The following GALNT11 variants were observed in gnomAD, a reference collection of about 807,000 sequenced individuals.
The protein encoded by GALNT11 is polypeptide N-acetylgalactosaminyltransferase 11.
Under a neutral mutation model 72.7 loss-of-function variants are expected in GALNT11, and 47 were observed. That is an observed-to-expected ratio of 0.65 (90% CI 0.51 to 0.82). GALNT11 has a LOEUF of 0.82. Among genes scored for constraint, GALNT11 ranks in the 40% least tolerant of loss-of-function variants. The probability of loss-of-function intolerance (pLI) is 0.00; values close to 1 mark genes in which losing one functional copy is unlikely to be tolerated. For missense variants in GALNT11, 677 were observed against 778.4 expected (o/e 0.87, Z 1.55); for synonymous variants, 270 against 286.6 (o/e 0.94, Z 0.58).
intron 1 of GALNT11, among the ~76,000 whole-genome samples, chr7:152,093,075 A>G (rs563481668): frequency 1.3e-5 from 2 of 152,222 alleles, no homozygotes; most frequent in East Asian, 3.9e-4. Context: ...CTAAAAATAC[A>G]AAAACTAGCC....
chr7:152,026,029 C>T (rs1296486263), intron 1 of GALNT11, 145 bp downstream of exon 1: 1 of 152,798 alleles, frequency 6.5e-6, no homozygotes, highest in African/African-American at 2.4e-5. Flanking sequence ...CCGCACGCCC[C>T]CTGGGCGAGG....
intron 1 of GALNT11, among the ~76,000 whole-genome samples, chr7:152,028,416 TTAGC>T (rs1190082853): frequency 6.6e-6 from 1 of 152,140 alleles, no homozygotes; most frequent in Non-Finnish European, 1.5e-5. Flanking sequence ...TTACAATCCT[TTAGC>T]TAGACAGAAA....
Position 152,037,602 on chromosome 7 carries a change from A to AT in GALNT11, c.-39+11728dup, listed in dbSNP as rs60143948. On this transcript the variant is annotated intron_variant, in intron 1 of 11. Coordinates refer to ENST00000430044, the MANE Select transcript of GALNT11 (RefSeq NM_022087.4). ...TTTGTTATTCCATATAAGTTTTAGGATTTTTTTTTTCTATTTCTGTGAAGA... is the reference window on the plus strand; with the variant it reads ...TTTGTTATTCCATATAAGTTTTAGGATTTTTTTTTTTCTATTTCTGTGAAGA... Among the ~76,000 whole-genome samples the AT allele has an allele frequency of 9.6e-3, 1,430 of 148,846 alleles. 24 individuals are homozygous for AT. The highest frequency in any genetic ancestry group is 0.033 in the African/African-American group (1,354 of 40,436).
Position 152,099,237 on chromosome 7 carries a change from C to T in GALNT11, c.296-1561C>T, listed in dbSNP as rs191376121. On this transcript the variant is annotated intron_variant, in intron 2 of 11. Coordinates refer to ENST00000430044, the MANE Select transcript of GALNT11 (RefSeq NM_022087.4). ...GATTACAGGCATGAGCCACCACGCCCGGCTGGAAACACTGCATTCTATATC... is the reference window on the plus strand; with the variant it reads ...GATTACAGGCATGAGCCACCACGCCTGGCTGGAAACACTGCATTCTATATC... 3.7e-3 allele frequency among the ~76,000 whole-genome samples: 557 copies of T among 151,982 alleles called. 5 individuals carry two copies. Among genetic ancestry groups the T allele is most frequent in the Middle Eastern group, 3.4e-3 (1 of 292 alleles).
intron 2 of GALNT11, among the ~76,000 whole-genome samples, chr7:152,099,950 T>A (rs1476602434): frequency 7.1e-6 from 1 of 140,962 alleles, no homozygotes; most frequent in Non-Finnish European, 1.6e-5. Flanking sequence ...CTGGCTAATT[T>A]TTTTTTTTTT....
intron 1 of GALNT11, among the ~76,000 whole-genome samples, chr7:152,035,557 C>G (rs987385745): frequency 4.6e-5 from 7 of 152,158 alleles, no homozygotes; most frequent in African/African-American, 9.7e-5. Context: ...TCTGTCGACC[C>G]TCGGCTCAGC....
intron 1 of GALNT11, among the ~76,000 whole-genome samples, chr7:152,067,148 G>A (rs999922296): frequency 6.6e-6 from 1 of 152,182 alleles, no homozygotes; most frequent in Non-Finnish European, 1.5e-5. Flanking sequence ...ATGTTTTGGG[G>A]AGGAAGACTA....
chr7:152,113,160 A>T lies in GALNT11; in HGVS notation c.1081-86A>T, dbSNP rs1048273919. 7 of 1,421,278 alleles carry T rather than the reference A, an allele frequency of 4.9e-6. No individual in the cohort carries two copies. In the Admixed American group the frequency reaches 9.3e-5, roughly 19 times the overall value. 88.0% of individuals were successfully genotyped at this position (1,421,278 alleles called of 1,614,324 possible). On this transcript the variant is annotated intron_variant, in intron 7 of 11. Transcript: ENST00000430044. ...GCCAAGTTTCATAAACACCTATTGAATAAAGATTAATTTCATTGAAAATTC... is the reference window on the plus strand; with the variant it reads ...GCCAAGTTTCATAAACACCTATTGATTAAAGATTAATTTCATTGAAAATTC...
intron 1 of GALNT11, among the ~76,000 whole-genome samples, chr7:152,043,536 A>G (rs956056125): frequency 6.6e-5 from 10 of 152,164 alleles, no homozygotes; most frequent in African/African-American, 2.4e-4. Context: ...TTCCCTGTTT[A>G]TCTGGGGGGT....
At chr7:152,103,469 C>G in intron 4 of GALNT11, 191 bp downstream of exon 4, 2 of 508,004 alleles carry the variant, frequency 3.9e-6, no homozygotes, top group Non-Finnish European at 6.5e-6. Flanking sequence ...ACTATGCTAC[C>G]CAAATTTGGG....
intron 1 of GALNT11, among the ~76,000 whole-genome samples, chr7:152,064,608 T>C (rs1047040161): frequency 6.6e-6 from 1 of 152,202 alleles, no homozygotes; most frequent in African/African-American, 2.4e-5. Context: ...TTCCTCTCCA[T>C]CTTTAGTGCT....
intron 1 of GALNT11, among the ~76,000 whole-genome samples, chr7:152,057,360 G>C (rs925353569): frequency 6.7e-6 from 1 of 149,240 alleles, no homozygotes; most frequent in African/African-American, 2.5e-5. Flanking sequence ...AGGCTGGAGT[G>C]CAGTGGTGCC....
intron 1 of GALNT11, among the ~76,000 whole-genome samples, chr7:152,078,822 C>T (rs1283512414): frequency 1.3e-5 from 2 of 152,190 alleles, no homozygotes; most frequent in African/African-American, 4.8e-5. Flanking sequence ...GATGCAACTT[C>T]TGTTTTGATT....
rs151223988 is a variant in GALNT11 at position 152,077,690 on chromosome 7, A to C, written c.-38-16500A>C. On this transcript the variant is annotated intron_variant, in intron 1 of 11. Coordinates refer to ENST00000430044, the MANE Select transcript of GALNT11 (RefSeq NM_022087.4). ...ACAGATGAAAATCCTCTCCAGAGGA[A>C]GATAACATCTCACGCCTCAAATTAT... Among the ~76,000 whole-genome samples, 594 of 152,278 alleles carry C rather than the reference A, an allele frequency of 3.9e-3. 5 individuals carry two copies. Among genetic ancestry groups the C allele is most frequent in the African/African-American group, 0.013 (558 of 41,558 alleles).
At chr7:152,078,845 A>T (rs2129017519) in intron 1 of GALNT11, among the ~76,000 whole-genome samples, 1 of 152,204 alleles carries the variant, frequency 6.6e-6, no homozygotes. Context: ...AGACTGAGAG[A>T]TAAGAACATC....
intron 1 of GALNT11, among the ~76,000 whole-genome samples, chr7:152,054,663 C>T (rs544228254): frequency 6.6e-6 from 1 of 151,624 alleles, no homozygotes; most frequent in South Asian, 2.1e-4. Flanking sequence ...AGGTGCACAG[C>T]ACCATGTCTG....
chr7:152,042,986 T>C (rs191868414), intron 1 of GALNT11, among the ~76,000 whole-genome samples: 1 of 152,330 alleles, frequency 6.6e-6, no homozygotes, highest in East Asian at 1.9e-4. Flanking sequence ...TTTCCCTGAA[T>C]AGTTATTTCA....
At chr7:152,069,962 AT>A (rs2084530264) in intron 1 of GALNT11, among the ~76,000 whole-genome samples, 1 of 148,972 alleles carries the variant, frequency 6.7e-6, no homozygotes, top group Non-Finnish European at 1.5e-5. Flanking sequence ...TTTTGCACTC[AT>A]TGCTTTTTTC....
intron 1 of GALNT11, among the ~76,000 whole-genome samples, chr7:152,073,681 A>G (rs1450618946): frequency 6.6e-6 from 1 of 152,148 alleles, no homozygotes; most frequent in African/African-American, 2.4e-5. Context: ...GCTGGTTCAT[A>G]TGGTATGCTA....
Sources: allele counts gnomAD v4.1 joint callset (sites outside exome capture counted in the v4.1 genomes callset), GRCh38; gene constraint gnomAD v4.1.1; transcripts MANE v1.5; gene names NCBI Gene and HGNC (gene_info 2026-07-23, HGNC 2026-07-21).